The following GRM7 variants were observed in gnomAD, a reference collection of about 807,000 sequenced individuals.
GRM7 encodes the protein metabotropic glutamate receptor 7.
GRM7 carries 35 observed loss-of-function variants against 84.5 expected under a neutral mutation model. That is an observed-to-expected ratio of 0.41 (90% CI 0.32 to 0.55). The LOEUF (loss-of-function observed/expected upper bound fraction) is 0.55. GRM7 is among the 20% of genes least tolerant of loss of function. The pLI, the probability that GRM7 is intolerant of heterozygous loss-of-function variation, is 0.19. For missense variants in GRM7, 1,003 were observed against 1,194.6 expected (o/e 0.84, Z 2.36); for synonymous variants, 487 against 455.1 (o/e 1.07, Z -0.89).
chr3:7,676,658 G>A (rs1700135437), intron 8 of GRM7, among the ~76,000 whole-genome samples: 1 of 152,028 alleles, frequency 6.6e-6, no homozygotes, highest in Non-Finnish European at 1.5e-5. Flanking sequence ...GGTCTTGAAT[G>A]CCTGACCTCA....
chr3:7,507,762 A>G (rs1284155953), intron 7 of GRM7, among the ~76,000 whole-genome samples: 2 of 152,142 alleles, frequency 1.3e-5, no homozygotes, highest in Non-Finnish European at 2.9e-5. Context: ...AGTGTATTTT[A>G]TTTCTCTTTT....
intron 2 of GRM7, among the ~76,000 whole-genome samples, chr3:7,202,721 T>C (rs751589258): frequency 7.2e-5 from 11 of 152,196 alleles, no homozygotes; most frequent in Admixed American, 4.6e-4. Context: ...ATTGAAGATA[T>C]AATCATTAAC....
intron 4 of GRM7, among the ~76,000 whole-genome samples, chr3:7,349,560 CT>C (rs1302556087): frequency 3.9e-5 from 6 of 152,120 alleles, no homozygotes; most frequent in Non-Finnish European, 8.8e-5. Context: ...GGCAACATCC[CT>C]GGGTGTCCTA....
chr3:7,452,585 TG>T, intron 5 of GRM7, 21 bp from the exon 6 acceptor site: 1 of 1,431,450 alleles, frequency 7.0e-7, no homozygotes, highest in Non-Finnish European at 9.9e-7. Flanking sequence ...TGTGTGTGTG[TG>T]TTTCTTGTTT....
intron 1 of GRM7, among the ~76,000 whole-genome samples, chr3:6,871,835 A>T (rs1318765261): frequency 6.6e-6 from 1 of 152,190 alleles, no homozygotes; most frequent in African/African-American, 2.4e-5. Context: ...TTATCAAAAT[A>T]TAGCTTCTGA....
Position 7,196,681 on chromosome 3 carries a change from TA to T in GRM7, c.736+50014del, listed in dbSNP as rs1695890046. ...TGAAGATGTTCCTGACTTCCAGTCT[TA>T]TCAGGCCCCCTTAGCATTTTTGCAT... On this transcript the variant is annotated intron_variant, in intron 2 of 9. Coordinates refer to ENST00000357716, the MANE Select transcript of GRM7 (RefSeq NM_000844.4). 5.3e-5 allele frequency among the ~76,000 whole-genome samples: 8 copies of T among 152,304 alleles called. No individual in the cohort carries two copies. The South Asian group carries it at 1.7e-3, about 32-fold the overall frequency.
intron 4 of GRM7, among the ~76,000 whole-genome samples, chr3:7,407,270 G>C (rs1210834792): frequency 6.6e-6 from 1 of 152,160 alleles, no homozygotes; most frequent in Non-Finnish European, 1.5e-5. Flanking sequence ...TGGCCTCCAG[G>C]TAGATGCCTC....
At chr3:6,939,981 T>TTA (rs942930581) in intron 1 of GRM7, among the ~76,000 whole-genome samples, 8 of 152,222 alleles carry the variant, frequency 5.3e-5, no homozygotes, top group Non-Finnish European at 1.0e-4. Flanking sequence ...GAAAATCTTA[T>TTA]TATACCTTTT....
intron 1 of GRM7, among the ~76,000 whole-genome samples, chr3:6,947,799 A>T (rs62235444): frequency 2.0e-5 from 3 of 152,108 alleles, no homozygotes; most frequent in Non-Finnish European, 2.9e-5. Context: ...GTATGTGTCG[A>T]GGAATTTATG....
At chr3:7,710,392 A>G (rs1216517827) in intron 9 of GRM7, among the ~76,000 whole-genome samples, 1 of 152,158 alleles carries the variant, frequency 6.6e-6, no homozygotes, top group Admixed American at 6.5e-5. Context: ...CCTGTCACTC[A>G]CAAACACAGT....
chr3:7,221,255 T>A (rs1696791738), intron 2 of GRM7, among the ~76,000 whole-genome samples: 4 of 152,190 alleles, frequency 2.6e-5, no homozygotes, highest in Admixed American at 2.0e-4. Flanking sequence ...AAACATTTGG[T>A]TTTTTGCTAC....
intron 2 of GRM7, among the ~76,000 whole-genome samples, chr3:7,214,553 T>G (rs1287703840): frequency 6.6e-6 from 1 of 152,226 alleles, no homozygotes; most frequent in Admixed American, 6.5e-5. Flanking sequence ...TATAAATGTT[T>G]GTTGAATGAA....
At chr3:7,637,550 G>T (rs73021882) in intron 8 of GRM7, among the ~76,000 whole-genome samples, 38,691 of 152,078 alleles carry the variant, frequency 0.25, 5,001 homozygotes, top group Middle Eastern at 0.43. Context: ...AATAAAATTT[G>T]GTTTACAGAA....
At chr3:7,215,672 T>A (rs1026279430) in intron 2 of GRM7, among the ~76,000 whole-genome samples, 66 of 151,378 alleles carry the variant, frequency 4.4e-4, no homozygotes, top group African/African-American at 1.2e-3. Flanking sequence ...CTCAAAAAAA[T>A]AAATAAATAA....
chr3:7,227,267 C>G (rs546846144), intron 2 of GRM7, among the ~76,000 whole-genome samples: 3 of 152,196 alleles, frequency 2.0e-5, no homozygotes, highest in African/African-American at 7.2e-5. Flanking sequence ...GCAAGAAGTT[C>G]ATAGTTTAGG....
chr3:6,869,278 ATTTTC>A (rs1424388829), intron 1 of GRM7, among the ~76,000 whole-genome samples: 1 of 152,030 alleles, frequency 6.6e-6, no homozygotes, highest in Non-Finnish European at 1.5e-5. Context: ...CCTTTCACCA[ATTTTC>A]TTATCTTTGG....
intron 2 of GRM7, among the ~76,000 whole-genome samples, chr3:7,179,132 A>T (rs1695253577): frequency 6.6e-6 from 1 of 151,690 alleles, no homozygotes; most frequent in Non-Finnish European, 1.5e-5. Context: ...TTATCTTGGT[A>T]CTCTAGAAAC....
intron 7 of GRM7, among the ~76,000 whole-genome samples, chr3:7,499,478 A>G (rs1699813894): frequency 6.6e-6 from 1 of 152,220 alleles, no homozygotes; most frequent in African/African-American, 2.4e-5. Flanking sequence ...CTTAATGATG[A>G]TAATGCTGCT....
At chr3:6,938,476 G>A (rs1697770348) in intron 1 of GRM7, among the ~76,000 whole-genome samples, 1 of 152,188 alleles carries the variant, frequency 6.6e-6, no homozygotes, top group Admixed American at 6.5e-5. Context: ...TGAGAAAGAT[G>A]TGCTGGCTTG....
Sources: allele counts gnomAD v4.1 joint callset (sites outside exome capture counted in the v4.1 genomes callset), GRCh38; gene constraint gnomAD v4.1.1; transcripts MANE v1.5; gene names NCBI Gene and HGNC (gene_info 2026-07-23, HGNC 2026-07-21).